Variants in ZNF831 observed in about 807,000 individuals in gnomAD.
ZNF831 encodes the protein chromosome 20 open reading frame 174.
A neutral mutation model predicts 95.8 loss-of-function variants in ZNF831; 59 were observed. The ratio of observed to expected loss-of-function variants is 0.62; its 90% confidence interval spans 0.50 to 0.77. ZNF831 has a LOEUF of 0.77. Among genes scored for constraint, ZNF831 ranks in the 30% least tolerant of loss-of-function variants. The pLI, the probability that ZNF831 is intolerant of heterozygous loss-of-function variation, is 0.00. For missense variants in ZNF831, 2,205 were observed against 2,164.0 expected, an observed-to-expected ratio of 1.02 and a Z score of -0.38; for synonymous variants, 961 against 925.5, an observed-to-expected ratio of 1.04 and a Z score of -0.70.
chr20:59,231,631 C>T (rs1986727777), intron 4 of ZNF831, among the ~76,000 whole-genome samples: 1 of 152,212 alleles, frequency 6.6e-6, no homozygotes, highest in South Asian at 2.1e-4. Context: ...CACCCATGTT[C>T]CATGTTCATG....
At chr20:59,221,002 T>C (rs2146672639) in intron 4 of ZNF831, among the ~76,000 whole-genome samples, 1 of 152,326 alleles carries the variant, frequency 6.6e-6, no homozygotes, top group Admixed American at 6.5e-5. Flanking sequence ...AAGAACCCCA[T>C]GAAGCCTGTC....
intron 1 of ZNF831, among the ~76,000 whole-genome samples, chr20:59,183,561 C>T (rs560016907): frequency 6.6e-5 from 10 of 152,296 alleles, no homozygotes; most frequent in South Asian, 2.1e-4. Context: ...CCCCACCGCC[C>T]GCTTTTATGC....
intron 1 of ZNF831, among the ~76,000 whole-genome samples, chr20:59,127,457 G>A (rs564437933): frequency 3.3e-5 from 5 of 152,112 alleles, no homozygotes; most frequent in Non-Finnish European, 7.4e-5. Context: ...CCGTGGCCTC[G>A]AGGGCCTGCA....
At chr20:59,240,815 A>C (rs1316206869) in intron 4 of ZNF831, among the ~76,000 whole-genome samples, 1 of 152,016 alleles carries the variant, frequency 6.6e-6, no homozygotes, top group Non-Finnish European at 1.5e-5. Flanking sequence ...AAATAAATAA[A>C]TAAATAAATA....
chr20:59,217,162 CTGTGTG>C lies in ZNF831; in HGVS notation c.4027+10134_4027+10139del, dbSNP rs201079519. Among the ~76,000 whole-genome samples, 4,535 of 148,720 alleles carry C rather than the reference CTGTGTG, an allele frequency of 0.03. 69 individuals carry two copies. The highest frequency in any genetic ancestry group is 0.034 in the Non-Finnish European group (2,285 of 67,034). On this transcript the variant is annotated intron_variant, in intron 4 of 5. Transcript: ENST00000371030. This position sits in a 1 kb window ranked among gnomAD's most constrained non-coding sequence, Gnocchi z 4.4. Reference sequence around the variant, plus strand: ...GAGTACATCTGACAGATCTTCATCTCTGTGTGTGTGTGTGTGTGTGTGTGTGTGTGT... The same window carrying C: ...GAGTACATCTGACAGATCTTCATCTCTGTGTGTGTGTGTGTGTGTGTGTGT...
chr20:59,245,585 A>G (rs1229892073), intron 4 of ZNF831, among the ~76,000 whole-genome samples: 1 of 152,234 alleles, frequency 6.6e-6, no homozygotes, highest in Non-Finnish European at 1.5e-5. Flanking sequence ...TGCCAGGAGC[A>G]TCCCCTCCAC....
intron 3 of ZNF831, among the ~76,000 whole-genome samples, chr20:59,204,369 C>T (rs137985912): frequency 1.1e-4 from 16 of 152,352 alleles, no homozygotes; most frequent in African/African-American, 3.6e-4. Flanking sequence ...ACAGATGTGG[C>T]CCTGAGTCCA....
At chr20:59,163,648 G>A (rs183591971), upstream of ZNF831, among the ~76,000 whole-genome samples, 2 of 151,694 alleles carry the variant, frequency 1.3e-5, no homozygotes, top group East Asian at 3.9e-4. Context: ...TACATTTCTG[G>A]GCAGCAAGCT....
At chr20:59,140,785 T>C (rs1979653616) in intron 1 of ZNF831, among the ~76,000 whole-genome samples, 1 of 152,226 alleles carries the variant, frequency 6.6e-6, no homozygotes, top group Non-Finnish European at 1.5e-5. Context: ...TTATCATGGT[T>C]TTACTTTTTC....
At chr20:59,250,119 G>T (rs187759661) in intron 4 of ZNF831, among the ~76,000 whole-genome samples, 5 of 152,300 alleles carry the variant, frequency 3.3e-5, no homozygotes, top group Admixed American at 3.3e-4. Context: ...ACTTCTCAGA[G>T]CTTGGTAACT....
intron 1 of ZNF831, among the ~76,000 whole-genome samples, chr20:59,129,006 C>T (rs766426690): frequency 3.9e-5 from 6 of 152,130 alleles, no homozygotes; most frequent in Non-Finnish European, 5.9e-5. Context: ...TCAGGTGATC[C>T]GCCAGCCTTG....
At chr20:59,166,196 A>T (rs1275565235) in intron 1 of ZNF831, among the ~76,000 whole-genome samples, 1 of 152,156 alleles carries the variant, frequency 6.6e-6, no homozygotes, top group South Asian at 2.1e-4. Flanking sequence ...AATGAAAGGA[A>T]AATGGTCTGT....
upstream of ZNF831, among the ~76,000 whole-genome samples, chr20:59,163,776 C>T (rs565081886): frequency 3.3e-5 from 5 of 149,860 alleles, no homozygotes; most frequent in South Asian, 6.3e-4. Flanking sequence ...GCTACCGTGA[C>T]GTTAGGTAAT....
chr20:59,182,719 ACT>A (rs1982717184), intron 1 of ZNF831, among the ~76,000 whole-genome samples: 1 of 152,036 alleles, frequency 6.6e-6, no homozygotes, highest in Non-Finnish European at 1.5e-5. Flanking sequence ...TTGTTTGTAA[ACT>A]CTCTTCTGGC....
Position 59,192,307 on chromosome 20 carries a change from C to T in ZNF831, c.1288C>T (p.Arg430Trp). Residue 430 changes from arginine (R) to tryptophan (W), a missense_variant, in exon 2 of 6, where the codon CGG becomes TGG. By Grantham distance (101) the Arg-to-Trp change is moderately radical (BLOSUM62 -3). Transcript: ENST00000371030. The surrounding 1 kb of genome is among the most constrained non-coding windows in gnomAD (Gnocchi z 5.2). ...DDAQLDNVRP[R>W]KTGLSKQGSI... is the part of the protein sequence containing the mutation. ...TGCCCAGCTGGACAACGTGCGGCCC[C>T]GGAAGACCGGGCTGTCCAAACAGGG... 1 of 1,591,758 alleles carries T rather than the reference C, an allele frequency of 6.3e-7. No individual in the cohort carries two copies. The highest frequency in any genetic ancestry group is 8.6e-7 in the Non-Finnish European group (1 of 1,168,488).
At chr20:59,241,343 T>C (rs747534474) in intron 4 of ZNF831, among the ~76,000 whole-genome samples, 3 of 151,350 alleles carry the variant, frequency 2.0e-5, no homozygotes, top group East Asian at 1.9e-4. Context: ...ACAGAAACCA[T>C]TGAGAGGCTT....
At chr20:59,147,805 T>G (rs558201863) in intron 2 of ZNF831, among the ~76,000 whole-genome samples, 195 of 152,336 alleles carry the variant, frequency 1.3e-3, no homozygotes, top group African/African-American at 4.4e-3. Context: ...TGAGACTAAT[T>G]ATCTCCAAAA....
intron 4 of ZNF831, among the ~76,000 whole-genome samples, chr20:59,223,448 G>A (rs1036403923): frequency 2.0e-5 from 3 of 152,142 alleles, no homozygotes; most frequent in Non-Finnish European, 4.4e-5. Flanking sequence ...ATAAGCAAAC[G>A]TTTTAACAGA....
intron 3 of ZNF831, among the ~76,000 whole-genome samples, 159 bp downstream of exon 3, chr20:59,196,164 C>T (rs1451937431): frequency 1.3e-5 from 2 of 152,210 alleles, no homozygotes; most frequent in East Asian, 3.8e-4. Flanking sequence ...CCCCTTGCAA[C>T]TCACCGCCTG....
Sources: allele counts gnomAD v4.1 joint callset (sites outside exome capture counted in the v4.1 genomes callset), GRCh38; gene constraint gnomAD v4.1.1; non-coding constraint Gnocchi (gnomAD v3.1); transcripts MANE v1.5; gene names NCBI Gene and HGNC (gene_info 2026-07-23, HGNC 2026-07-21).